The following PPFIBP2 variants were observed in gnomAD, a reference collection of about 807,000 sequenced individuals.
PPFIBP2 encodes liprin-beta-2.
A neutral mutation model predicts 118.3 loss-of-function variants in PPFIBP2; 118 were observed. That is an observed-to-expected ratio of 1.00 (90% CI 0.86 to 1.16). The LOEUF is 1.16. PPFIBP2 is among the 50% of genes most tolerant of loss of function. The probability of loss-of-function intolerance (pLI) is 0.00; values close to 1 mark genes in which losing one functional copy is unlikely to be tolerated. For synonymous variants in PPFIBP2, 414 were observed against 397.4 expected (o/e 1.04, Z -0.50); for missense variants, 1,195 against 1,073.1 (o/e 1.11, Z -1.59).
At chr11:7,556,173 C>T (rs968077744) in intron 2 of PPFIBP2, among the ~76,000 whole-genome samples, 26 of 152,242 alleles carry the variant, frequency 1.7e-4, no homozygotes, top group South Asian at 8.3e-4. Flanking sequence ...CTTTATAAGA[C>T]GGCCAGGTGC....
At chr11:7,517,261 C>T (rs1849308409) in intron 1 of PPFIBP2, among the ~76,000 whole-genome samples, 1 of 152,078 alleles carries the variant, frequency 6.6e-6, no homozygotes, top group Admixed American at 6.5e-5. Flanking sequence ...GTGATGAGTT[C>T]AGCTTTTTGG....
At chr11:7,637,494 G>T (rs1398316328) in intron 14 of PPFIBP2, among the ~76,000 whole-genome samples, 2 of 152,228 alleles carry the variant, frequency 1.3e-5, no homozygotes, top group African/African-American at 4.8e-5. Context: ...AGAGGTGGAA[G>T]AGAAACAGCT....
chr11:7,518,379 T>C (rs959333262), intron 1 of PPFIBP2, among the ~76,000 whole-genome samples: 2 of 152,124 alleles, frequency 1.3e-5, no homozygotes, highest in Non-Finnish European at 2.9e-5. Flanking sequence ...TTGGGTGATT[T>C]CTGGAAGTTT....
Position 7,649,184 on chromosome 11 carries a change from C to T in PPFIBP2, c.1947C>T (p.Asp649=). The T allele has an allele frequency of 1.2e-6, 2 of 1,614,070 alleles. No homozygotes were observed. Among genetic ancestry groups the T allele is most frequent in the Non-Finnish European group, 1.7e-6 (2 of 1,179,980 alleles). ...LDDIGLPQYK[D]QFHESRVDRR... ...ATATTGGCTTACCCCAGTACAAAGA[C>T]CAGTTTCATGAATCTAGAGTTGACA... Residue 649 remains aspartate (D), a synonymous_variant, in exon 20 of 24, where the codon GAC becomes GAT. Coordinates refer to ENST00000299492, the MANE Select transcript of PPFIBP2 (RefSeq NM_003621.5).
chr11:7,666,649 C>T, the PPFIBP2 span: 1 of 766,372 alleles, frequency 1.3e-6, no homozygotes. Context: ...AAGCTGCCAC[C>T]ACTCCAGCTG....
At chr11:7,612,421 G>A (rs140246028) in intron 6 of PPFIBP2, among the ~76,000 whole-genome samples, 142 of 152,250 alleles carry the variant, frequency 9.3e-4, no homozygotes, top group Admixed American at 2.5e-3. Context: ...TGGGAGGTGC[G>A]AATATGAAAG....
chr11:7,623,732 G>A (rs1285271170), intron 7 of PPFIBP2, among the ~76,000 whole-genome samples: 3 of 152,194 alleles, frequency 2.0e-5, no homozygotes, highest in East Asian at 3.9e-4. Context: ...AGAGACGAGT[G>A]CCCATCCTGT....
intron 17 of PPFIBP2, among the ~76,000 whole-genome samples, chr11:7,645,043 A>C (rs1451380434): frequency 4.0e-5 from 6 of 149,758 alleles, no homozygotes; most frequent in Non-Finnish European, 7.4e-5. Flanking sequence ...AAAAAAAAAA[A>C]AAAAAAAAAA....
chr11:7,595,285 G>T (rs1860086835), intron 4 of PPFIBP2, among the ~76,000 whole-genome samples: 1 of 152,192 alleles, frequency 6.6e-6, no homozygotes, highest in African/African-American at 2.4e-5. Flanking sequence ...AGATGTTTGA[G>T]GGATGTGTAA....
At chr11:7,630,544 T>C (rs1314356356) in intron 10 of PPFIBP2, among the ~76,000 whole-genome samples, 2 of 152,216 alleles carry the variant, frequency 1.3e-5, no homozygotes, top group Non-Finnish European at 2.9e-5. Flanking sequence ...ACTCCTGACC[T>C]TAAGTGATCC....
chr11:7,537,477 T>C (rs1469488141), intron 1 of PPFIBP2, among the ~76,000 whole-genome samples: 1 of 152,254 alleles, frequency 6.6e-6, no homozygotes, highest in Admixed American at 6.5e-5. Flanking sequence ...TGAATGGCTG[T>C]GTGGCCAGGG....
rs140165842 is a variant in PPFIBP2 at position 7,650,056 on chromosome 11, T to C, written c.2121+402T>C. Among the ~76,000 whole-genome samples the C allele has an allele frequency of 3.3e-4, 51 of 152,350 alleles. 1 individual carries two copies. Among genetic ancestry groups the C allele is most frequent in the Non-Finnish European group, 3.4e-4 (23 of 68,028 alleles). On this transcript the variant is annotated intron_variant, in intron 21 of 23. Transcript: ENST00000299492. ...ATTTCAGAATAGGTATCCCTACTTGTAGATCCAAAATTAACTGACTTCCAG... is the reference window on the plus strand; with the variant it reads ...ATTTCAGAATAGGTATCCCTACTTGCAGATCCAAAATTAACTGACTTCCAG...
chr11:7,571,042 A>C (rs955645398), intron 3 of PPFIBP2, among the ~76,000 whole-genome samples: 4 of 152,202 alleles, frequency 2.6e-5, no homozygotes, highest in Non-Finnish European at 5.9e-5. Context: ...TTAGAGCTTG[A>C]TGGAGGCCCA....
At chr11:7,567,395 A>G (rs996445804) in intron 3 of PPFIBP2, among the ~76,000 whole-genome samples, 2 of 152,224 alleles carry the variant, frequency 1.3e-5, no homozygotes, top group Non-Finnish European at 2.9e-5. Flanking sequence ...AACAGCTTGC[A>G]TTCAGATTTG....
At chr11:7,665,655 T>C in the PPFIBP2 span, 1 of 1,278,656 alleles carries the variant, frequency 7.8e-7, no homozygotes, top group African/African-American at 1.5e-5. Context: ...CAAGCTGCTC[T>C]ACAAAGGCTT....
the PPFIBP2 span, chr11:7,665,913 G>C: frequency 6.5e-7 from 1 of 1,536,050 alleles, no homozygotes; most frequent in Admixed American, 2.0e-5. Context: ...TTGCTCAGTA[G>C]GGTAGCGCCC....
intron 1 of PPFIBP2, among the ~76,000 whole-genome samples, chr11:7,543,044 C>T (rs188693703): frequency 7.2e-5 from 11 of 152,350 alleles, no homozygotes; most frequent in African/African-American, 2.6e-4. Flanking sequence ...ACTCTCTCTC[C>T]TTTGCCCTTT....
intron 1 of PPFIBP2, among the ~76,000 whole-genome samples, chr11:7,522,446 A>G (rs1161887836): frequency 1.3e-5 from 2 of 152,214 alleles, no homozygotes; most frequent in Admixed American, 1.3e-4. Context: ...ATGTTTACCC[A>G]TAAGAGGATG....
chr11:7,556,560 T>C (rs1853655641), intron 2 of PPFIBP2, among the ~76,000 whole-genome samples: 3 of 152,254 alleles, frequency 2.0e-5, no homozygotes, highest in Non-Finnish European at 2.9e-5. Flanking sequence ...CTCCAAATTA[T>C]TGTTTTTTCA....
Sources: gnomAD v4.1 joint callset for allele counts (sites outside exome capture counted in the v4.1 genomes callset) on GRCh38, gnomAD v4.1.1 for gene constraint, MANE v1.5 for transcripts, NCBI Gene and HGNC (gene_info 2026-07-23, HGNC 2026-07-21) for gene names.